Variants in ADCY3 observed in about 807,000 individuals in gnomAD.
The protein encoded by ADCY3 is adenylate cyclase 3.
ADCY3 carries 70 observed loss-of-function variants against 119.4 expected under a neutral mutation model. The observed-to-expected ratio is 0.59, with a 90% CI of 0.48 to 0.72. ADCY3 has a LOEUF of 0.72. Ranked by LOEUF, ADCY3 falls within the 30% of genes least tolerant of loss-of-function variation. ADCY3 has a pLI of 0.00. For synonymous variants in ADCY3, 672 were observed against 621.4 expected (o/e 1.08, Z -1.21); for missense variants, 1,238 against 1,541.6 (o/e 0.80, Z 3.30).
Position 24,841,574 on chromosome 2 carries a change from G to C in ADCY3, c.1050C>G (p.Arg350=), listed in dbSNP as rs76257977. The C allele has an allele frequency of 2.2e-3, 3,572 of 1,613,148 alleles. 63 individuals carry two copies. The African/African-American group carries it at 0.039, about 18-fold the overall frequency. ...LVKLLNELFA[R]FDKLAAKYHQ... Reference sequence around the variant, plus strand: ...GACTTACAGCTGCCAGCTTGTCAAAGCGGGCAAAGAGCTCGTTGAGCAGCT... The same window carrying C: ...GACTTACAGCTGCCAGCTTGTCAAACCGGGCAAAGAGCTCGTTGAGCAGCT... Residue 350 remains arginine (R), a synonymous_variant, in exon 5 of 22, where the codon CGC becomes CGG. Transcript: ENST00000679454. The surrounding 1 kb of genome is among the most constrained non-coding windows in gnomAD (Gnocchi z 5.8).
At position 24,824,440 on chromosome 2, in the gene ADCY3, C is replaced by T. The variant is rs1668303450; in HGVS notation, c.2674G>A (p.Val892Ile). ...YEMRRWNEAL[V>I]TNMLPEHVAR... ...ACGTGCTCAGGCAACATGTTGGTGA[C>T]CAAGGCCTCGTTCCAGCGTCGCATC... Residue 892 changes from valine (V) to isoleucine (I), a missense_variant, in exon 17 of 22, where the codon GTC (valine) becomes ATC (isoleucine). Physicochemically the swap from Val to Ile is conservative, Grantham distance 29 (BLOSUM62 3). Coordinates refer to ENST00000679454, the MANE Select transcript of ADCY3 (RefSeq NM_004036.5). The T allele has an allele frequency of 1.2e-6, 2 of 1,614,246 alleles. No homozygotes were observed. Among genetic ancestry groups the T allele is most frequent in the Non-Finnish European group, 1.7e-6 (2 of 1,180,052 alleles).
intron 2 of ADCY3, among the ~76,000 whole-genome samples, chr2:24,875,518 G>A (rs1207966258): frequency 1.3e-5 from 2 of 152,266 alleles, no homozygotes; most frequent in Non-Finnish European, 2.9e-5. Context: ...TGATTCCAGA[G>A]TGAGCCGCAG....
Position 24,919,706 on chromosome 2 carries a change from G to T in ADCY3, c.-221C>A, listed in dbSNP as rs1664888727. The T allele has an allele frequency of 6.6e-6, 1 of 152,094 alleles. No individual in the cohort carries two copies. The highest frequency in any genetic ancestry group is 1.5e-5 in the Non-Finnish European group (1 of 68,026). The allele number at this position is 152,094 out of a possible 1,614,324, so 9.4% of individuals were successfully genotyped here. A position where few individuals can be genotyped will look rare whatever the true frequency, so the allele number is the denominator to read the frequency against. ...ACCTGTGCGGGAACTCGGCCACCGC[G>T]TGCTCCGGGACGGTCCCCGCGCGGG... is the stretch of plus-strand genomic sequence containing the variant. On this transcript the variant is annotated 5_prime_UTR_variant, in exon 1 of 22. Transcript: ENST00000679454. This position sits in a 1 kb window ranked among gnomAD's most constrained non-coding sequence, Gnocchi z 5.5.
intron 2 of ADCY3, among the ~76,000 whole-genome samples, chr2:24,916,551 G>A (rs991546856): frequency 3.9e-5 from 6 of 152,212 alleles, no homozygotes; most frequent in African/African-American, 1.4e-4. Context: ...GCGTGGAGGC[G>A]CGTGCCTGTC....
chr2:24,862,014 C>T (rs1673722018), intron 3 of ADCY3, among the ~76,000 whole-genome samples: 1 of 152,234 alleles, frequency 6.6e-6, no homozygotes, highest in African/African-American at 2.4e-5. Flanking sequence ...ACCAACACCA[C>T]ACAGAGAAAG....
rs988592061 is a variant in ADCY3, at chr2:24,835,947, A to G, written c.1662+970T>C. Among the ~76,000 whole-genome samples, 229 of 152,026 alleles carry G rather than the reference A, an allele frequency of 1.5e-3. 1 individual carries two copies. The highest frequency in any genetic ancestry group is 5.2e-3 in the African/African-American group (216 of 41,478). On this transcript the variant is annotated intron_variant, in intron 9 of 21. Coordinates refer to ENST00000679454, the MANE Select transcript of ADCY3 (RefSeq NM_004036.5). ...TGACTCCATCTCAAAAAAAAAAAAA[A>G]AAGACTCCCTGGTCTTAAGCACAGG...
intron 3 of ADCY3, among the ~76,000 whole-genome samples, chr2:24,865,391 G>A (rs543667979): frequency 3.1e-4 from 47 of 151,876 alleles, no homozygotes; most frequent in Non-Finnish European, 5.4e-4. Flanking sequence ...GTTGTGAGTC[G>A]AAATTGTACC....
chr2:24,919,068 C>T lies in ADCY3; in HGVS notation c.-81G>A, dbSNP rs1035128788. Reference sequence around the variant, plus strand: ...CTCTGGACTGGGCCTCCTCTCAGGGCTCTCTGAGACCGGGGGAGGGCTGAG... The same window carrying T: ...CTCTGGACTGGGCCTCCTCTCAGGGTTCTCTGAGACCGGGGGAGGGCTGAG... On this transcript the variant is annotated 5_prime_UTR_variant, in exon 2 of 22. Transcript: ENST00000679454. The surrounding 1 kb of genome is among the most constrained non-coding windows in gnomAD (Gnocchi z 5.5). 8.7e-6 allele frequency: 12 copies of T among 1,381,420 alleles called. No individual in the cohort carries two copies. The African/African-American group carries it at 1.6e-4, about 18-fold the overall frequency. 85.6% of individuals were successfully genotyped at this position (1,381,420 alleles called of 1,614,324 possible). A position where few individuals can be genotyped will look rare whatever the true frequency, so the allele number is the denominator to read the frequency against.
At position 24,857,612 on chromosome 2, in the gene ADCY3, T is replaced by C. The variant is rs372836190; in HGVS notation, c.825+14958A>G. Among the ~76,000 whole-genome samples, 71 of 152,328 alleles carry C rather than the reference T, an allele frequency of 4.7e-4. 1 individual carries two copies. The East Asian group carries it at 0.011, about 23-fold the overall frequency. Reference sequence around the variant, plus strand: ...ACCATACTGCTACCTATTGCAGCTCTAGAACACTGTAGTCACAAGTACTGT... The same window carrying C: ...ACCATACTGCTACCTATTGCAGCTCCAGAACACTGTAGTCACAAGTACTGT... On this transcript the variant is annotated intron_variant, in intron 3 of 21. Coordinates refer to ENST00000679454, the MANE Select transcript of ADCY3 (RefSeq NM_004036.5).
At chr2:24,820,162 G>T in intron 21 of ADCY3, 48 bp from the exon 22 acceptor site, 1 of 1,007,230 alleles carries the variant, frequency 9.9e-7, no homozygotes, top group Non-Finnish European at 1.4e-6. Context: ...GGGGAGCCTA[G>T]ACTGAGGGCG....
At chr2:24,822,391 G>A (rs992892084) in intron 19 of ADCY3, 120 bp downstream of exon 19, 1 of 1,345,286 alleles carries the variant, frequency 7.4e-7, no homozygotes, top group East Asian at 2.3e-5. Context: ...CGTGGTGCTG[G>A]TGGTGTGTGT....
chr2:24,872,591 C>T lies in ADCY3; in HGVS notation c.804G>A (p.Leu268=), dbSNP rs922807300. 12 of 1,614,086 alleles carry T rather than the reference C, an allele frequency of 7.4e-6. No homozygotes were observed. The highest frequency in any genetic ancestry group is 2.2e-5 in the East Asian group (1 of 44,892). ...ARQSLEVKMN[L]EEQSQQQENL... ...TCACCTGCTGCTGGCTCTGCTCTTCCAGGTTCATCTTCACCTCCAGCGACT... is the reference window on the plus strand; with the variant it reads ...TCACCTGCTGCTGGCTCTGCTCTTCTAGGTTCATCTTCACCTCCAGCGACT... Residue 268 remains leucine (L), a synonymous_variant, in exon 3 of 22, where the codon CTG becomes CTA. Coordinates refer to ENST00000679454, the MANE Select transcript of ADCY3 (RefSeq NM_004036.5). This position sits in a 1 kb window ranked among gnomAD's most constrained non-coding sequence, Gnocchi z 4.4.
rs1022238358 is a variant in ADCY3 at position 24,820,278 on chromosome 2, C to T, written c.3253-164G>A. 2.4e-6 allele frequency: 3 copies of T among 1,240,374 alleles called. No individual in the cohort carries two copies. The African/African-American group carries it at 4.7e-5, about 19-fold the overall frequency. The allele number at this position is 1,240,374 out of a possible 1,614,324, so 76.8% of individuals were successfully genotyped here. A position where few individuals can be genotyped will look rare whatever the true frequency, so the allele number is the denominator to read the frequency against. On this transcript the variant is annotated intron_variant, in intron 21 of 21. Coordinates refer to ENST00000679454, the MANE Select transcript of ADCY3 (RefSeq NM_004036.5). Reference sequence around the variant, plus strand: ...GCCAAGCCCTTCCACCCGTGGCGAGCAGCGGGTGGGAAGGAGAACCCTGGA... The same window carrying T: ...GCCAAGCCCTTCCACCCGTGGCGAGTAGCGGGTGGGAAGGAGAACCCTGGA...
chr2:24,907,866 C>G (rs1450309794), intron 2 of ADCY3, among the ~76,000 whole-genome samples: 3 of 151,194 alleles, frequency 2.0e-5, no homozygotes, highest in African/African-American at 7.3e-5. Context: ...TGGTGGTGAG[C>G]TCCTGTAATC....
At chr2:24,897,934 G>A (rs1188367592) in intron 2 of ADCY3, among the ~76,000 whole-genome samples, 2 of 152,144 alleles carry the variant, frequency 1.3e-5, no homozygotes, top group African/African-American at 4.8e-5. Flanking sequence ...CTTCCTGAAA[G>A]GTAGCAGGGC....
intron 2 of ADCY3, among the ~76,000 whole-genome samples, chr2:24,911,617 T>A: frequency 8.6e-6 from 1 of 116,918 alleles, no homozygotes; most frequent in Admixed American, 1.0e-4. Context: ...ATCATTGCAC[T>A]CCAGCCTGGG....
At chr2:24,833,975 G>A (rs1212026518) in intron 11 of ADCY3, among the ~76,000 whole-genome samples, 2 of 152,218 alleles carry the variant, frequency 1.3e-5, no homozygotes, top group Non-Finnish European at 2.9e-5. Context: ...CAAGAGAGTG[G>A]TCGTCACCCT....
rs749288972 is a variant in ADCY3 at position 24,830,717 on chromosome 2, C to G, written c.2164G>C (p.Val722Leu). ...AIFILVMANV[V>L]DMLSCLQYYT... is the part of the protein sequence containing the mutation. ...GGACAGCAGGAGCTCACCATGTCCA[C>G]GACATTTGCCATCACCAGGATGAAG... The change falls in exon 13 of 22, where the codon GTG becomes CTG. Residue 722 changes from valine to leucine, a missense_variant. Coordinates refer to ENST00000679454, the MANE Select transcript of ADCY3 (RefSeq NM_004036.5). 1 of 1,613,586 alleles carries G rather than the reference C, an allele frequency of 6.2e-7. No homozygotes were observed. Among genetic ancestry groups the G allele is most frequent in the Admixed American group, 1.7e-5 (1 of 59,974 alleles).
intron 2 of ADCY3, among the ~76,000 whole-genome samples, chr2:24,902,855 C>T (rs1189771048): frequency 2.0e-5 from 3 of 152,072 alleles, no homozygotes; most frequent in Admixed American, 6.6e-5. Flanking sequence ...CATGGTGAAA[C>T]CCCGTCTCTA....
Sources: gnomAD v4.1 joint callset for allele counts (sites outside exome capture counted in the v4.1 genomes callset) on GRCh38, gnomAD v4.1.1 for gene constraint, Gnocchi (gnomAD v3.1) non-coding constraint, MANE v1.5 for transcripts, NCBI Gene and HGNC (gene_info 2026-07-23, HGNC 2026-07-21) for gene names.